The following SMYD3 variants were observed in gnomAD, a reference collection of about 807,000 sequenced individuals.
The protein encoded by SMYD3 is histone-lysine N-methyltransferase SMYD3.
Under a neutral mutation model 57.7 loss-of-function variants are expected in SMYD3, and 36 were observed. The observed-to-expected ratio is 0.62, with a 90% confidence interval of 0.48 to 0.82. The LOEUF is 0.82. SMYD3 is among the 40% of genes least tolerant of loss of function. SMYD3 has a pLI of 0.00. For synonymous variants in SMYD3, 211 were observed against 195.0 expected (o/e 1.08, Z -0.68); for missense variants, 515 against 538.8 (o/e 0.96, Z 0.44).
chr1:245,916,081 C>T (rs1008721354), intron 7 of SMYD3, among the ~76,000 whole-genome samples: 2 of 152,030 alleles, frequency 1.3e-5, no homozygotes, highest in African/African-American at 4.8e-5. Flanking sequence ...TCTATAGCTG[C>T]CTCATGGAAT....
chr1:245,891,170 C>T (rs1209140192), intron 8 of SMYD3, among the ~76,000 whole-genome samples: 2 of 151,922 alleles, frequency 1.3e-5, no homozygotes, highest in Non-Finnish European at 2.9e-5. Context: ...AACAGGGTGA[C>T]CAGAGTCTAC....
chr1:245,771,921 G>A (rs1450940030), intron 10 of SMYD3, among the ~76,000 whole-genome samples: 3 of 152,094 alleles, frequency 2.0e-5, no homozygotes, highest in East Asian at 1.9e-4. Flanking sequence ...CTCAGAACAC[G>A]GAGAACTACT....
At chr1:246,295,071 T>C (rs2064767539) in intron 5 of SMYD3, among the ~76,000 whole-genome samples, 1 of 152,192 alleles carries the variant, frequency 6.6e-6, no homozygotes, top group Admixed American at 6.5e-5. Context: ...TTTTATGTAC[T>C]CCTTTGTTAA....
intron 5 of SMYD3, among the ~76,000 whole-genome samples, chr1:246,020,837 G>A (rs756001110): frequency 2.6e-5 from 4 of 152,036 alleles, no homozygotes; most frequent in African/African-American, 7.3e-5. Flanking sequence ...CCACTTTTCT[G>A]GCTCTCTGAT....
intron 5 of SMYD3, among the ~76,000 whole-genome samples, chr1:246,185,776 G>A (rs936580591): frequency 2.6e-5 from 4 of 152,074 alleles, no homozygotes; most frequent in African/African-American, 9.7e-5. Context: ...TCCTTTTCAA[G>A]AATTACAAAC....
chr1:245,846,909 G>A (rs1316215954), intron 10 of SMYD3, among the ~76,000 whole-genome samples: 1 of 152,158 alleles, frequency 6.6e-6, no homozygotes, highest in Non-Finnish European at 1.5e-5. Flanking sequence ...ATACTGAAGG[G>A]CAGTGTTATT....
intron 5 of SMYD3, among the ~76,000 whole-genome samples, chr1:246,176,306 A>G (rs528486069): frequency 1.2e-4 from 19 of 152,308 alleles, no homozygotes; most frequent in African/African-American, 4.6e-4. Context: ...TCCTACATCC[A>G]TTCACCACTG....
rs1466713868 is a variant in SMYD3, at chr1:245,749,659, A to G, written c.1191T>C (p.Phe397=). ...PQAMKNLRLA[F]DIMRVTHGRE... is the part of the protein sequence containing the mutation. The stretch of plus-strand genomic sequence containing the variant: ...TGCCATGTGTCACTCTCATAATATC[A>G]AAAGCCTAAAGAGAAAGGACGGAAG... The change falls in exon 12 of 12, where the codon TTT becomes TTC. Residue 397 remains phenylalanine, a synonymous_variant. Transcript: ENST00000490107. The G allele has an allele frequency of 6.2e-7, 1 of 1,613,558 alleles. No individual in the cohort carries two copies. Among genetic ancestry groups the G allele is most frequent in the South Asian group, 1.1e-5 (1 of 91,070 alleles).
chr1:246,084,924 C>T (rs1390509246), intron 5 of SMYD3, among the ~76,000 whole-genome samples: 1 of 152,066 alleles, frequency 6.6e-6, no homozygotes, highest in Non-Finnish European at 1.5e-5. Context: ...CTTTAGAGCA[C>T]ATTATTTTAC....
At chr1:245,969,222 G>A (rs961622761) in intron 5 of SMYD3, among the ~76,000 whole-genome samples, 8 of 152,202 alleles carry the variant, frequency 5.3e-5, no homozygotes, top group African/African-American at 1.9e-4. Flanking sequence ...GGTTTGCTGT[G>A]AGAATGAACC....
intron 1 of SMYD3, among the ~76,000 whole-genome samples, chr1:246,463,111 C>T (rs991725704): frequency 1.3e-5 from 2 of 152,112 alleles, no homozygotes; most frequent in Non-Finnish European, 2.9e-5. Context: ...GGGAGGGACA[C>T]ATAGGCATGC....
intron 5 of SMYD3, among the ~76,000 whole-genome samples, chr1:246,122,991 G>A (rs150913749): frequency 2.1e-4 from 32 of 152,214 alleles, no homozygotes; most frequent in East Asian, 9.7e-4. Flanking sequence ...TTTGATTTCC[G>A]TGAAACACTC....
chr1:245,912,857 AAATT>A (rs1415557366), intron 8 of SMYD3, among the ~76,000 whole-genome samples: 1 of 152,194 alleles, frequency 6.6e-6, no homozygotes, highest in Admixed American at 6.5e-5. Context: ...AAATCAACCA[AAATT>A]AATTAACTAC....
intron 5 of SMYD3, among the ~76,000 whole-genome samples, chr1:246,006,334 C>T (rs1207848798): frequency 2.1e-5 from 3 of 145,306 alleles, no homozygotes; most frequent in Admixed American, 6.9e-5. Flanking sequence ...CGGCGGGGGG[C>T]GGGACAGGGG....
intron 5 of SMYD3, among the ~76,000 whole-genome samples, chr1:246,272,386 T>C (rs2064238910): frequency 6.6e-6 from 1 of 152,254 alleles, no homozygotes; most frequent in African/African-American, 2.4e-5. Flanking sequence ...CTTTTGGTCT[T>C]TCACCAGTAA....
At chr1:245,982,806 T>A (rs887239359) in intron 5 of SMYD3, among the ~76,000 whole-genome samples, 5 of 152,204 alleles carry the variant, frequency 3.3e-5, no homozygotes, top group African/African-American at 1.2e-4. Context: ...TTATATTCCA[T>A]TTAGAGGTAG....
chr1:246,064,825 C>T (rs1253435237), intron 5 of SMYD3, among the ~76,000 whole-genome samples: 2 of 152,234 alleles, frequency 1.3e-5, no homozygotes, highest in South Asian at 2.1e-4. Context: ...AACCGTGCAT[C>T]GTTCATGTTA....
In SMYD3 at chr1:246,123,292, G is replaced by A. The variant is rs2061451289; in HGVS notation, c.532-193355C>T. ...GCCTACATCATTCTGCATTGGCCCT[G>A]CATGGTGGCTCACGCCTGTCATCCC... On this transcript the variant is annotated intron_variant, in intron 5 of 11. Transcript: ENST00000490107. Among the ~76,000 whole-genome samples, 3 of 152,276 alleles carry A rather than the reference G, an allele frequency of 2.0e-5. No homozygotes were observed. The South Asian group carries it at 6.2e-4, about 32-fold the overall frequency.
intron 5 of SMYD3, among the ~76,000 whole-genome samples, chr1:246,299,599 C>G (rs2064856919): frequency 6.6e-6 from 1 of 152,062 alleles, no homozygotes; most frequent in Non-Finnish European, 1.5e-5. Context: ...AAATGCCCAT[C>G]AATGGTAGAC....
Sources: gnomAD v4.1 joint callset for allele counts (sites outside exome capture counted in the v4.1 genomes callset) on GRCh38, gnomAD v4.1.1 for gene constraint, MANE v1.5 for transcripts, NCBI Gene and HGNC (gene_info 2026-07-23, HGNC 2026-07-21) for gene names.